PAK2: variants seen among roughly 807,000 people sequenced by gnomAD.
The protein encoded by PAK2 is p21 (RAC1) activated kinase 2, also known as serine/threonine-protein kinase PAK 2.
Under a neutral mutation model 65.9 loss-of-function variants are expected in PAK2, and 21 were observed. The observed-to-expected ratio is 0.32, with a 90% CI of 0.23 to 0.46. PAK2 has a LOEUF of 0.46. Among genes scored for constraint, PAK2 ranks in the 20% least tolerant of loss-of-function variants. The pLI is 1.00. For missense variants in PAK2, 324 were observed against 642.6 expected, an observed-to-expected ratio of 0.50 and a Z score of 5.36; for synonymous variants, 204 against 219.7, an observed-to-expected ratio of 0.93 and a Z score of 0.63.
intron 13 of PAK2, among the ~76,000 whole-genome samples, chr3:196,826,915 C>T (rs1011350357): frequency 2.6e-5 from 4 of 151,492 alleles, no homozygotes; most frequent in Non-Finnish European, 1.5e-5. Flanking sequence ...AGCAAGATTC[C>T]GTCTCAACAA....
intron 3 of PAK2, 104 bp from the exon 4 acceptor site, chr3:196,802,913 C>T (rs1715464041): frequency 1.4e-6 from 1 of 690,636 alleles, no homozygotes; most frequent in Non-Finnish European, 2.3e-6. Flanking sequence ...CAAACCTACA[C>T]TCAAAAGATT....
At chr3:196,781,489 G>T (rs1408780916) in intron 1 of PAK2, among the ~76,000 whole-genome samples, 1 of 152,186 alleles carries the variant, frequency 6.6e-6, no homozygotes, top group Non-Finnish European at 1.5e-5. Flanking sequence ...GCATTTACAG[G>T]TGTCACAGAA....
intron 5 of PAK2, among the ~76,000 whole-genome samples, chr3:196,805,636 C>T (rs533025053): frequency 2.6e-5 from 4 of 152,164 alleles, no homozygotes; most frequent in African/African-American, 9.6e-5. Context: ...GTAATGTTAA[C>T]ATATACAAAC....
intron 6 of PAK2, 33 bp from the exon 7 acceptor site, chr3:196,807,749 C>A: frequency 7.7e-7 from 1 of 1,301,820 alleles, no homozygotes; most frequent in Non-Finnish European, 1.1e-6. Context: ...AACATTATTC[C>A]TCAAACCTTG....
At chr3:196,790,300 T>G (rs948043358) in intron 2 of PAK2, among the ~76,000 whole-genome samples, 6 of 152,216 alleles carry the variant, frequency 3.9e-5, no homozygotes, top group African/African-American at 1.4e-4. Flanking sequence ...TTTGTCAACA[T>G]GTGACTCAGG....
In PAK2 at chr3:196,801,069, A is replaced by AG. The variant is rs1715410245; in HGVS notation, c.188-857dup. On this transcript the variant is annotated intron_variant, in intron 2 of 14. Transcript: ENST00000327134. ...CAGAAATAATTTACAATCGGACCAT[A>AG]GAAAAACTGCATAGTTTTAAAATGT... 2.0e-5 allele frequency among the ~76,000 whole-genome samples: 3 copies of AG among 152,206 alleles called. No homozygotes were observed. The South Asian group carries it at 6.2e-4, about 31-fold the overall frequency.
chr3:196,740,912 TAAGTCATCCAAGAACAG>T (rs1322624989), intron 1 of PAK2, among the ~76,000 whole-genome samples: 1 of 151,942 alleles, frequency 6.6e-6, no homozygotes, highest in East Asian at 1.9e-4. Flanking sequence ...TCTTTAAAGA[TAAGTCATCCAAGAACAG>T]AAGCGTGTCA....
chr3:196,818,413 G>A (rs1462252362), intron 12 of PAK2, among the ~76,000 whole-genome samples: 1 of 152,030 alleles, frequency 6.6e-6, no homozygotes, highest in Non-Finnish European at 1.5e-5. Flanking sequence ...TTTTTGAGAT[G>A]GAGGTTTGCT....
chr3:196,791,120 C>G lies in PAK2; in HGVS notation c.187+8287C>G, dbSNP rs2108748051. On this transcript the variant is annotated intron_variant, in intron 2 of 14. Coordinates refer to ENST00000327134, the MANE Select transcript of PAK2 (RefSeq NM_002577.4). The surrounding 1 kb of genome is among the most constrained non-coding windows in gnomAD (Gnocchi z 4.0). ...ACATAAATTTATTGTGATTGGCCCTCTATTTCTGGGCTTCTAGAGTCGTTA... is the reference window on the plus strand; with the variant it reads ...ACATAAATTTATTGTGATTGGCCCTGTATTTCTGGGCTTCTAGAGTCGTTA... Among the ~76,000 whole-genome samples the G allele has an allele frequency of 6.6e-6, 1 of 152,306 alleles. No individual in the cohort carries two copies. The highest frequency in any genetic ancestry group is 1.9e-4 in the East Asian group (1 of 5,184).
In PAK2 at chr3:196,819,384, G is replaced by A. The variant is rs547042113; in HGVS notation, c.1154-987G>A. 1.6e-4 allele frequency among the ~76,000 whole-genome samples: 24 copies of A among 152,258 alleles called. 1 individual carries two copies. Among genetic ancestry groups the A allele is most frequent in the South Asian group, 4.1e-4 (2 of 4,826 alleles). ...TTGAGCACAGGAGGCAGAGGTTGCC[G>A]TGAGCCGAAATTGCTCTACTGCACA... On this transcript the variant is annotated intron_variant, in intron 12 of 14. Coordinates refer to ENST00000327134, the MANE Select transcript of PAK2 (RefSeq NM_002577.4).
At chr3:196,808,406 C>G (rs553628003) in intron 7 of PAK2, among the ~76,000 whole-genome samples, 27 of 151,014 alleles carry the variant, frequency 1.8e-4, no homozygotes, top group African/African-American at 5.6e-4. Flanking sequence ...ACTAAAAATA[C>G]AAAAATCAGC....
At chr3:196,758,878 GA>G (rs751503691) in intron 1 of PAK2, among the ~76,000 whole-genome samples, 18 of 152,158 alleles carry the variant, frequency 1.2e-4, no homozygotes, top group Admixed American at 2.0e-4. Context: ...GGCTGGTCTT[GA>G]ACTCCTGACC....
At chr3:196,775,165 TATTAA>T (rs1714494697) in intron 1 of PAK2, among the ~76,000 whole-genome samples, 1 of 152,196 alleles carries the variant, frequency 6.6e-6, no homozygotes, top group African/African-American at 2.4e-5. Flanking sequence ...TCAAGTTTAC[TATTAA>T]ATTAGGGTTT....
Position 196,762,907 on chromosome 3 carries a change from A to G in PAK2, c.-21-19719A>G, listed in dbSNP as rs1277239135. On this transcript the variant is annotated intron_variant, in intron 1 of 14. Transcript: ENST00000327134. ...ATCATTCTGGGTCCAATCAGGAGAGAGAAGCCATACAGTAATTTGAACATG... is the reference window on the plus strand; with the variant it reads ...ATCATTCTGGGTCCAATCAGGAGAGGGAAGCCATACAGTAATTTGAACATG... Among the ~76,000 whole-genome samples, 4 of 152,214 alleles carry G rather than the reference A, an allele frequency of 2.6e-5. No individual in the cohort carries two copies. The East Asian group carries it at 5.8e-4, about 22-fold the overall frequency.
At position 196,832,037 on chromosome 3, in the gene PAK2, C is replaced by T. The variant is rs1712107405; in HGVS notation, c.*3632C>T. 6.6e-6 allele frequency: 1 copy of T among 152,142 alleles called. No individual in the cohort carries two copies. Among genetic ancestry groups the T allele is most frequent in the Admixed American group, 6.5e-5 (1 of 15,282 alleles). The allele number at this position is 152,142 out of a possible 1,614,324, so 9.4% of individuals were successfully genotyped here. The stretch of plus-strand genomic sequence containing the variant: ...TCAACACATTGATTGAACACTCTGG[C>T]AAAGATGCTGTGGTGGATGAGGTTG... On this transcript the variant is annotated 3_prime_UTR_variant, in exon 15 of 15. Coordinates refer to ENST00000327134, the MANE Select transcript of PAK2 (RefSeq NM_002577.4).
intron 4 of PAK2, among the ~76,000 whole-genome samples, chr3:196,804,452 C>T (rs1226020271): frequency 6.7e-6 from 1 of 150,242 alleles, no homozygotes; most frequent in African/African-American, 2.5e-5. Flanking sequence ...TGTGTGTGCG[C>T]ACGCGCGTGC....
intron 2 of PAK2, among the ~76,000 whole-genome samples, chr3:196,793,630 G>C (rs1715149083): frequency 6.6e-6 from 1 of 151,704 alleles, no homozygotes; most frequent in African/African-American, 2.4e-5. Context: ...AGTGTAAGGA[G>C]AAAAAAAACC....
chr3:196,796,056 C>T (rs1184167612), intron 2 of PAK2, among the ~76,000 whole-genome samples: 4 of 152,210 alleles, frequency 2.6e-5, no homozygotes, highest in Non-Finnish European at 4.4e-5. Flanking sequence ...GCTATGCGGT[C>T]CAACGCGGCT....
rs57211696 is a variant in PAK2 at position 196,801,266 on chromosome 3, A to G, written c.188-661A>G. ...ATGGGGTTTGCTGTGTTTGCTGTCCACATTGCTCAGCATCTGAGATGTAGC... is the reference window on the plus strand; with the variant it reads ...ATGGGGTTTGCTGTGTTTGCTGTCCGCATTGCTCAGCATCTGAGATGTAGC... On this transcript the variant is annotated intron_variant, in intron 2 of 14. Transcript: ENST00000327134. Among the ~76,000 whole-genome samples, 726 of 152,284 alleles carry G rather than the reference A, an allele frequency of 4.8e-3. 6 individuals carry two copies. The highest frequency in any genetic ancestry group is 0.017 in the African/African-American group (703 of 41,544).
Sources: allele counts gnomAD v4.1 joint callset (sites outside exome capture counted in the v4.1 genomes callset), GRCh38; gene constraint gnomAD v4.1.1; non-coding constraint Gnocchi (gnomAD v3.1); transcripts MANE v1.5; gene names NCBI Gene and HGNC (gene_info 2026-07-23, HGNC 2026-07-21).